C2orf49: variants seen among roughly 807,000 people sequenced by gnomAD.
C2orf49 encodes tRNA-splicing ligase complex subunit ASW.
C2orf49 carries 11 observed loss-of-function variants against 20.6 expected under a neutral mutation model. The observed-to-expected ratio is 0.53, with a 90% CI of 0.34 to 0.88. The LOEUF is 0.88. Ranked by LOEUF, C2orf49 falls within the 40% of genes least tolerant of loss-of-function variation. C2orf49 has a pLI of 0.02. For missense variants in C2orf49, 289 were observed against 274.2 expected (o/e 1.05, Z -0.38); for synonymous variants, 134 against 108.5 (o/e 1.24, Z -1.46).
the C2orf49 span, among the ~76,000 whole-genome samples, chr2:105,368,607 G>T: frequency 3.3e-5 from 5 of 152,256 alleles, no homozygotes; most frequent in East Asian, 9.6e-4. Context: ...TTCTCCAAGT[G>T]AACTGAGGAG....
chr2:105,384,830 T>A, the C2orf49 span, among the ~76,000 whole-genome samples: 1 of 152,190 alleles, frequency 6.6e-6, no homozygotes, highest in Admixed American at 6.5e-5. Context: ...ATTTTATAGA[T>A]GTGGAGATGT....
the C2orf49 span, among the ~76,000 whole-genome samples, chr2:105,366,037 C>A: frequency 2.6e-5 from 4 of 151,640 alleles, no homozygotes; most frequent in Non-Finnish European, 5.9e-5. Context: ...GAAACCCCGT[C>A]TGTACTAAAA....
Position 105,337,592 on chromosome 2 carries a change from C to T in C2orf49, c.5C>T (p.Ala2Val), listed in dbSNP as rs776260169. The T allele has an allele frequency of 4.3e-6, 7 of 1,612,982 alleles. No individual in the cohort carries two copies. The highest frequency in any genetic ancestry group is 1.1e-5 in the South Asian group (1 of 91,062). The change falls in exon 1 of 4, where the codon GCG becomes GTG. Residue 2 changes from alanine to valine, a missense_variant. Transcript: ENST00000258457. M[A>V]GDVGGRSCTD... ...TGGGGTCTCCTGGCGACGACCATGG[C>T]GGGGGATGTGGGCGGTCGCAGCTGC...
chr2:105,370,031 C>T, the C2orf49 span, among the ~76,000 whole-genome samples: 4 of 152,228 alleles, frequency 2.6e-5, no homozygotes, highest in African/African-American at 9.6e-5. Context: ...CCAAGTCTCC[C>T]GCAGGCGGAA....
At position 105,348,583 on chromosome 2, in the gene C2orf49, G is replaced by T. The variant is rs1157533063; in HGVS notation, c.*3212G>T. ...GTAAGAGCTTCCTCTATTTACTACT[G>T]TTGAACTTCAGTAATTTTTAGAGGC... On this transcript the variant is annotated 3_prime_UTR_variant, in exon 4 of 4. Coordinates refer to ENST00000258457, the MANE Select transcript of C2orf49 (RefSeq NM_024093.3). 6.9e-6 allele frequency: 1 copy of T among 145,898 alleles called. No individual in the cohort carries two copies. Among genetic ancestry groups the T allele is most frequent in the East Asian group, 2.0e-4 (1 of 5,008 alleles). 9.0% of individuals were successfully genotyped at this position (145,898 alleles called of 1,614,324 possible). A position where few individuals can be genotyped will look rare whatever the true frequency, so the allele number is the denominator to read the frequency against.
At chr2:105,361,233 CAT>C in the C2orf49 span, 13 of 1,572,682 alleles carry the variant, frequency 8.3e-6, no homozygotes, top group Non-Finnish European at 9.5e-6. Flanking sequence ...AGAAAGAAAA[CAT>C]AAAAATCTGT....
chr2:105,342,529 C>T (rs926011127), intron 2 of C2orf49, among the ~76,000 whole-genome samples: 1 of 152,078 alleles, frequency 6.6e-6, no homozygotes, highest in Admixed American at 6.5e-5. Flanking sequence ...TATCAATAAG[C>T]TGGTGTTTGT....
At chr2:105,367,593 T>A in the C2orf49 span, 1 of 1,614,080 alleles carries the variant, frequency 6.2e-7, no homozygotes, top group East Asian at 2.2e-5. Context: ...ACGCACTGCA[T>A]GGCATGTTGT....
Position 105,345,455 on chromosome 2 carries a change from C to A in C2orf49, c.*84C>A. On this transcript the variant is annotated 3_prime_UTR_variant, in exon 4 of 4. Coordinates refer to ENST00000258457, the MANE Select transcript of C2orf49 (RefSeq NM_024093.3). ...TATATTGACAATATTTACAGAAATCCTGATTATTGTGGAATTTTCTTAAGA... is the reference window on the plus strand; with the variant it reads ...TATATTGACAATATTTACAGAAATCATGATTATTGTGGAATTTTCTTAAGA... The A allele has an allele frequency of 9.2e-7, 1 of 1,089,380 alleles. No individual in the cohort carries two copies. Among genetic ancestry groups the A allele is most frequent in the Non-Finnish European group, 1.3e-6 (1 of 742,082 alleles). The allele number at this position is 1,089,380 out of a possible 1,614,324, so 67.5% of individuals were successfully genotyped here. A position where few individuals can be genotyped will look rare whatever the true frequency, so the allele number is the denominator to read the frequency against.
At chr2:105,367,870 C>G in the C2orf49 span, 2 of 842,022 alleles carry the variant, frequency 2.4e-6, no homozygotes, top group Non-Finnish European at 3.6e-6. Context: ...CTTGAAGGCT[C>G]GCCTCTACAT....
chr2:105,341,915 C>T (rs1679681551), intron 2 of C2orf49, among the ~76,000 whole-genome samples: 1 of 152,204 alleles, frequency 6.6e-6, no homozygotes, highest in African/African-American at 2.4e-5. Flanking sequence ...CAGTGGCTCA[C>T]GCCTGTAATC....
At chr2:105,364,186 A>G in the C2orf49 span, among the ~76,000 whole-genome samples, 1 of 152,062 alleles carries the variant, frequency 6.6e-6, no homozygotes, top group African/African-American at 2.4e-5. Flanking sequence ...AACCCTGGAA[A>G]CAGAGGTTGC....
the C2orf49 span, among the ~76,000 whole-genome samples, chr2:105,364,327 T>C: frequency 1.3e-5 from 2 of 152,096 alleles, 1 homozygote; most frequent in South Asian, 4.1e-4. Flanking sequence ...CACGAGCCTG[T>C]CTCTCCAGCC....
chr2:105,356,384 C>A, the C2orf49 span, among the ~76,000 whole-genome samples: 1 of 152,108 alleles, frequency 6.6e-6, no homozygotes, highest in African/African-American at 2.4e-5. Context: ...GAGCAAAACT[C>A]TGTCTCAAAA....
chr2:105,362,499 A>T, the C2orf49 span, among the ~76,000 whole-genome samples: 4 of 152,230 alleles, frequency 2.6e-5, no homozygotes, highest in African/African-American at 9.6e-5. Flanking sequence ...CAGGAAAGCC[A>T]GGCCACCGGG....
At chr2:105,361,962 T>C in the C2orf49 span, among the ~76,000 whole-genome samples, 1 of 152,216 alleles carries the variant, frequency 6.6e-6, no homozygotes, top group Non-Finnish European at 1.5e-5. Flanking sequence ...TGCAGACAGA[T>C]AGAATGGAAT....
the C2orf49 span, among the ~76,000 whole-genome samples, chr2:105,368,817 G>C: frequency 2.0e-5 from 3 of 152,172 alleles, no homozygotes; most frequent in Non-Finnish European, 2.9e-5. Context: ...AACAATCTGG[G>C]GAAATAAGTA....
chr2:105,367,637 T>G, the C2orf49 span: 1 of 1,614,186 alleles, frequency 6.2e-7, no homozygotes, highest in Non-Finnish European at 8.5e-7. Flanking sequence ...ATTCTGATTG[T>G]CTTTGGGGAT....
chr2:105,343,273 G>A (rs1468324377), intron 3 of C2orf49, 50 bp downstream of exon 3: 1 of 1,513,454 alleles, frequency 6.6e-7, no homozygotes, highest in Non-Finnish European at 8.8e-7. Context: ...AATGAAACTT[G>A]AGCAGTCTGC....
Sources: gnomAD v4.1 joint callset for allele counts (sites outside exome capture counted in the v4.1 genomes callset) on GRCh38, gnomAD v4.1.1 for gene constraint, MANE v1.5 for transcripts, NCBI Gene and HGNC (gene_info 2026-07-23, HGNC 2026-07-21) for gene names.